The following LRRC37A2 variants were observed in gnomAD, a reference collection of about 807,000 sequenced individuals.
The protein encoded by LRRC37A2 is leucine-rich repeat-containing protein 37A2.
In LRRC37A2, 9 loss-of-function variants were observed where a neutral mutation model predicts 68.8. The observed-to-expected ratio is 0.13, with a 90% CI of 0.08 to 0.23. The LOEUF (loss-of-function observed/expected upper bound fraction) is 0.23. LRRC37A2 is among the 10% of genes least tolerant of loss of function. The probability of loss-of-function intolerance (pLI) is 1.00; values close to 1 mark genes in which losing one functional copy is unlikely to be tolerated. For missense variants in LRRC37A2, 168 were observed against 950.4 expected (o/e 0.18, Z 10.82); for synonymous variants, 63 against 367.6 (o/e 0.17, Z 9.48).
the LRRC37A2 span, among the ~76,000 whole-genome samples, chr17:46,806,967 C>A: frequency 6.6e-6 from 1 of 152,164 alleles, no homozygotes; most frequent in African/African-American, 2.4e-5. Context: ...GTGGCAATAG[C>A]ACCGTCGGCT....
the LRRC37A2 span, chr17:46,722,098 G>T: frequency 8.1e-6 from 13 of 1,611,442 alleles, no homozygotes; most frequent in Admixed American, 2.2e-4. Flanking sequence ...GAGCCTGGGA[G>T]ATGGCCGGAC....
the LRRC37A2 span, chr17:46,773,701 T>C: frequency 2.2e-6 from 3 of 1,359,674 alleles, no homozygotes; most frequent in Non-Finnish European, 2.9e-6. Flanking sequence ...ATGGCCAGGC[T>C]GTCATCTATG....
chr17:46,770,528 C>G, the LRRC37A2 span, among the ~76,000 whole-genome samples: 1 of 152,308 alleles, frequency 6.6e-6, no homozygotes, highest in East Asian at 1.9e-4. Context: ...AGGCCCACCC[C>G]TTCCGCACGT....
chr17:46,868,495 C>T, the LRRC37A2 span, among the ~76,000 whole-genome samples: 1 of 152,092 alleles, frequency 6.6e-6, no homozygotes, highest in African/African-American at 2.4e-5. Flanking sequence ...ACTCGGGAGG[C>T]TGAGGTAGGA....
At chr17:46,490,314 T>C in the LRRC37A2 span, among the ~76,000 whole-genome samples, 2 of 151,280 alleles carry the variant, frequency 1.3e-5, no homozygotes, top group Admixed American at 6.6e-5. Context: ...TGGCCGGCCA[T>C]AGTTTGTTCA....
At chr17:46,803,712 C>T in the LRRC37A2 span, among the ~76,000 whole-genome samples, 1 of 152,240 alleles carries the variant, frequency 6.6e-6, no homozygotes, top group Non-Finnish European at 1.5e-5. Context: ...GCCCCAGCCA[C>T]ACCCTCAAGC....
chr17:47,003,270 A>C, the LRRC37A2 span, among the ~76,000 whole-genome samples: 4 of 146,626 alleles, frequency 2.7e-5, no homozygotes. Flanking sequence ...AAAAAAGCTC[A>C]GCCATGACCA....
the LRRC37A2 span, among the ~76,000 whole-genome samples, chr17:47,019,959 C>T: frequency 0.037 from 5,477 of 149,428 alleles, 157 homozygotes; most frequent in Non-Finnish European, 0.053. Context: ...CCTCATTCTC[C>T]TTTAATGTTA....
chr17:47,034,553 TG>T, the LRRC37A2 span, among the ~76,000 whole-genome samples: 1 of 152,126 alleles, frequency 6.6e-6, no homozygotes, highest in African/African-American at 2.4e-5. Context: ...CTAAGTTGTT[TG>T]GCTACATACT....
chr17:46,765,410 G>T, the LRRC37A2 span, among the ~76,000 whole-genome samples: 1 of 152,242 alleles, frequency 6.6e-6, no homozygotes, highest in African/African-American at 2.4e-5. Context: ...TCAATGGTTA[G>T]CCAGAGACAC....
chr17:46,953,250 A>T, the LRRC37A2 span, among the ~76,000 whole-genome samples: 233 of 148,390 alleles, frequency 1.6e-3, 1 homozygote, highest in African/African-American at 5.5e-3. Flanking sequence ...TCCTGTGTCC[A>T]TGTGTTCTCA....
At chr17:46,722,270 G>T in the LRRC37A2 span, 1 of 959,050 alleles carries the variant, frequency 1.0e-6, no homozygotes, top group Non-Finnish European at 1.7e-6. Flanking sequence ...TTTGGGGGGA[G>T]TCTGTAAGAT....
At chr17:47,004,556 T>G in the LRRC37A2 span, among the ~76,000 whole-genome samples, 2 of 152,240 alleles carry the variant, frequency 1.3e-5, no homozygotes, top group Non-Finnish European at 2.9e-5. Flanking sequence ...AGACAGGGTC[T>G]TGCTCTGTCA....
chr17:46,742,389 A>G, the LRRC37A2 span, among the ~76,000 whole-genome samples: 4 of 152,236 alleles, frequency 2.6e-5, no homozygotes, highest in Admixed American at 2.6e-4. Flanking sequence ...TCATTCATTC[A>G]GTGCATATTT....
At chr17:46,764,156 G>C in the LRRC37A2 span, 6 of 152,298 alleles carry the variant, frequency 3.9e-5, no homozygotes, top group African/African-American at 1.4e-4. Flanking sequence ...AGACTGCAGG[G>C]GTGTGTCCTA....
At chr17:47,000,069 T>TG in the LRRC37A2 span, among the ~76,000 whole-genome samples, 1 of 25,622 alleles carries the variant, frequency 3.9e-5, no homozygotes, top group Non-Finnish European at 9.0e-5. Flanking sequence ...AAAATTAAAA[T>TG]AAAATAAAAA....
At chr17:46,800,021 GTCCC>G in the LRRC37A2 span, among the ~76,000 whole-genome samples, 1 of 149,768 alleles carries the variant, frequency 6.7e-6, no homozygotes, top group Non-Finnish European at 1.5e-5. Context: ...GGGGAGTGCT[GTCCC>G]AGAGAGTGGG....
At chr17:46,780,648 C>T in the LRRC37A2 span, among the ~76,000 whole-genome samples, 1 of 152,048 alleles carries the variant, frequency 6.6e-6, no homozygotes, top group Non-Finnish European at 1.5e-5. Context: ...TGGTGGCAGG[C>T]GCCTGTAGCC....
At chr17:46,984,100 T>C in the LRRC37A2 span, 4 of 152,248 alleles carry the variant, frequency 2.6e-5, no homozygotes, top group Non-Finnish European at 5.9e-5. Flanking sequence ...AGAGTGAGGA[T>C]ACAGAGTGAA....
Sources: gnomAD v4.1 joint callset for allele counts (sites outside exome capture counted in the v4.1 genomes callset) on GRCh38, gnomAD v4.1.1 for gene constraint, MANE v1.5 for transcripts, NCBI Gene and HGNC (gene_info 2026-07-23, HGNC 2026-07-21) for gene names.